GALNT17: variants seen among roughly 807,000 people sequenced by gnomAD.
The protein encoded by GALNT17 is polypeptide N-acetylgalactosaminyltransferase 17, also known as UDP-GalNAc:polypeptide N-acetylgalactosaminyltransferase-like 3.
In GALNT17, 29 loss-of-function variants were observed where a neutral mutation model predicts 63.7. The observed-to-expected ratio is 0.46, with a 90% CI of 0.34 to 0.62. The LOEUF (loss-of-function observed/expected upper bound fraction) is 0.62. GALNT17 is among the 20% of genes least tolerant of loss of function. GALNT17 has a pLI of 0.01. For synonymous variants in GALNT17, 305 were observed against 318.3 expected (o/e 0.96, Z 0.45); for missense variants, 603 against 799.6 (o/e 0.75, Z 2.97).
chr7:71,654,762 G>T (rs533215884), intron 6 of GALNT17, among the ~76,000 whole-genome samples: 5 of 152,182 alleles, frequency 3.3e-5, no homozygotes, highest in South Asian at 2.1e-4. Context: ...GGCTTTCACC[G>T]GGAGGGTTTT....
chr7:71,693,244 A>G (rs1791483832), intron 9 of GALNT17, among the ~76,000 whole-genome samples: 1 of 110,198 alleles, frequency 9.1e-6, no homozygotes, highest in African/African-American at 3.3e-5. Flanking sequence ...ATATACACAT[A>G]TATATACACA....
At chr7:71,420,777 G>C in intron 4 of GALNT17, 131 bp from the exon 5 acceptor site, 2 of 1,094,388 alleles carry the variant, frequency 1.8e-6, no homozygotes, top group Non-Finnish European at 1.4e-6. Context: ...GGGAGCCTCA[G>C]TTTGCATCTG....
intron 6 of GALNT17, among the ~76,000 whole-genome samples, chr7:71,590,464 C>T: frequency 6.6e-6 from 1 of 152,184 alleles, no homozygotes; most frequent in African/African-American, 2.4e-5. Flanking sequence ...GGGAATAAAG[C>T]AATAATTTGA....
chr7:71,485,397 T>C (rs765076263), intron 5 of GALNT17, among the ~76,000 whole-genome samples: 1 of 152,172 alleles, frequency 6.6e-6, no homozygotes, highest in Non-Finnish European at 1.5e-5. Context: ...ACACTTGGCA[T>C]TGTCAGGCAT....
chr7:71,297,135 G>T (rs1791096400), intron 1 of GALNT17, among the ~76,000 whole-genome samples: 1 of 152,226 alleles, frequency 6.6e-6, no homozygotes, highest in Admixed American at 6.5e-5. Flanking sequence ...CAACTCTCCA[G>T]GTTCTTCTTT....
rs181486890 is a variant in GALNT17 at position 71,359,888 on chromosome 7, G to C, written c.422+24155G>C. On this transcript the variant is annotated intron_variant, in intron 2 of 10. Transcript: ENST00000333538. ...ATAATCCAATCCAGGGTTGATTTCC[G>C]TTTATATTGCTGAAACCATGTAAGG... 2.6e-5 allele frequency among the ~76,000 whole-genome samples: 4 copies of C among 152,204 alleles called. No homozygotes were observed. The East Asian group carries it at 5.8e-4, about 22-fold the overall frequency.
chr7:71,379,376 TAGG>T (rs1233783418), intron 2 of GALNT17, among the ~76,000 whole-genome samples: 1 of 152,008 alleles, frequency 6.6e-6, no homozygotes, highest in Non-Finnish European at 1.5e-5. Flanking sequence ...AGCTTAGAAT[TAGG>T]AGAGGCCAGG....
At chr7:71,199,768 A>C (rs1327141539) in intron 1 of GALNT17, among the ~76,000 whole-genome samples, 1 of 150,908 alleles carries the variant, frequency 6.6e-6, no homozygotes, top group East Asian at 2.0e-4. Flanking sequence ...CCATCCATCC[A>C]TCCACCCACT....
chr7:71,698,136 A>AG (rs940346434), intron 9 of GALNT17, among the ~76,000 whole-genome samples: 70 of 151,604 alleles, frequency 4.6e-4, no homozygotes, highest in Admixed American at 1.1e-3. Flanking sequence ...AAAAAAAAAA[A>AG]AAAAAGAAAA....
At chr7:71,293,918 G>A (rs1204185943) in intron 1 of GALNT17, among the ~76,000 whole-genome samples, 1 of 152,096 alleles carries the variant, frequency 6.6e-6, no homozygotes, top group Non-Finnish European at 1.5e-5. Flanking sequence ...CCAGCACTTT[G>A]GGAGGCCAAG....
chr7:71,317,434 A>G (rs949579702), intron 1 of GALNT17, among the ~76,000 whole-genome samples: 1 of 152,196 alleles, frequency 6.6e-6, no homozygotes, highest in African/African-American at 2.4e-5. Flanking sequence ...TAGAAACTCA[A>G]AGGCTGGGCG....
At chr7:71,367,784 G>A (rs1167764753) in intron 2 of GALNT17, among the ~76,000 whole-genome samples, 4 of 152,196 alleles carry the variant, frequency 2.6e-5, no homozygotes, top group Non-Finnish European at 5.9e-5. Context: ...GGAAAACACC[G>A]TTTTCTGCCA....
intron 2 of GALNT17, among the ~76,000 whole-genome samples, chr7:71,349,138 A>G (rs555247039): frequency 5.9e-5 from 9 of 152,318 alleles, no homozygotes; most frequent in East Asian, 1.9e-4. Context: ...TGCAATCACA[A>G]CGCCTGTTTA....
At chr7:71,655,693 G>C (rs1790818984) in intron 6 of GALNT17, among the ~76,000 whole-genome samples, 1 of 152,114 alleles carries the variant, frequency 6.6e-6, no homozygotes, top group South Asian at 2.1e-4. Flanking sequence ...ATCTTTCTTG[G>C]GTCTATCTCA....
chr7:71,296,579 G>A (rs1020317317), intron 1 of GALNT17, among the ~76,000 whole-genome samples: 1 of 151,292 alleles, frequency 6.6e-6, no homozygotes, highest in African/African-American at 2.4e-5. Context: ...TCATTCCGCT[G>A]CACTCCAGCC....
Position 71,710,885 on chromosome 7 carries a change from A to T in GALNT17, c.1625A>T (p.Asp542Val), listed in dbSNP as rs570020508. The change falls in exon 10 of 11, where the codon GAC (aspartate) becomes GTC (valine). Residue 542 changes from aspartate (D) to valine (V), a missense_variant. Coordinates refer to ENST00000333538, the MANE Select transcript of GALNT17 (RefSeq NM_022479.3). ...CGGCTGCCCCAGCTCCTGGACTGCG[A>T]CAAGGTCAAGAGCAGCCTGTACAAG... ...KSRLPQLLDC[D>V]KVKSSLYKRW... The T allele has an allele frequency of 3.8e-5, 62 of 1,613,880 alleles. 1 individual carries two copies. The South Asian group carries it at 6.0e-4, about 16-fold the overall frequency.
intron 4 of GALNT17, among the ~76,000 whole-genome samples, chr7:71,417,979 G>A (rs1012154573): frequency 6.6e-6 from 1 of 152,022 alleles, no homozygotes; most frequent in African/African-American, 2.4e-5. Flanking sequence ...AAACCAATGC[G>A]GTCACTGCTG....
chr7:71,559,228 C>T (rs953627525), intron 5 of GALNT17, among the ~76,000 whole-genome samples: 2 of 151,964 alleles, frequency 1.3e-5, no homozygotes, highest in Non-Finnish European at 2.9e-5. Context: ...ATTAAATTAC[C>T]GTAATGTGCC....
In GALNT17 at chr7:71,495,803, A is replaced by G. The variant is rs547854953; in HGVS notation, c.962+74698A>G. Among the ~76,000 whole-genome samples the G allele has an allele frequency of 9.8e-4, 149 of 152,276 alleles. 2 individuals carry two copies. Among genetic ancestry groups the G allele is most frequent in the Non-Finnish European group, 1.5e-3 (104 of 68,020 alleles). ...ACTTTCCCTTCCTGTCTCCAATTGT[A>G]TAGGGAATTGCAGGGTAGGGAAGAG... On this transcript the variant is annotated intron_variant, in intron 5 of 10. Transcript: ENST00000333538.
Sources: gnomAD v4.1 joint callset for allele counts (sites outside exome capture counted in the v4.1 genomes callset) on GRCh38, gnomAD v4.1.1 for gene constraint, MANE v1.5 for transcripts, NCBI Gene and HGNC (gene_info 2026-07-23, HGNC 2026-07-21) for gene names.